The following KLF12 variants were observed in gnomAD, a reference collection of about 807,000 sequenced individuals.
The protein encoded by KLF12 is KLF transcription factor 12, also known as Krueppel-like factor 12.
KLF12 carries 9 observed loss-of-function variants against 37.8 expected under a neutral mutation model. The ratio of observed to expected loss-of-function variants is 0.24; its 90% confidence interval spans 0.14 to 0.42. The LOEUF is 0.42. Ranked by LOEUF, KLF12 falls within the 10% of genes least tolerant of loss-of-function variation. KLF12 has a pLI of 1.00. For missense variants in KLF12, 411 were observed against 516.0 expected (o/e 0.80, Z 1.97); for synonymous variants, 208 against 202.1 (o/e 1.03, Z -0.25).
chr13:74,090,303 A>G (rs1386977714), intron 1 of KLF12, among the ~76,000 whole-genome samples: 2 of 152,160 alleles, frequency 1.3e-5, no homozygotes, highest in Non-Finnish European at 2.9e-5. Context: ...GAATGAAAGA[A>G]AAAACATCCT....
chr13:74,276,763 C>A, the KLF12 span, among the ~76,000 whole-genome samples: 2 of 152,194 alleles, frequency 1.3e-5, no homozygotes, highest in African/African-American at 2.4e-5. Flanking sequence ...CAGGCTACCC[C>A]GTTTTCACTA....
chr13:74,014,233 T>C (rs1465902698), intron 1 of KLF12, among the ~76,000 whole-genome samples: 1 of 152,222 alleles, frequency 6.6e-6, no homozygotes, highest in Non-Finnish European at 1.5e-5. Context: ...ATTTCAGCAG[T>C]TGAGGCACAC....
At chr13:73,976,778 A>C (rs921764543) in intron 2 of KLF12, among the ~76,000 whole-genome samples, 2 of 152,304 alleles carry the variant, frequency 1.3e-5, no homozygotes, top group Non-Finnish European at 2.9e-5. Context: ...ATCACTAAGC[A>C]ATGAGACAGA....
chr13:74,129,245 G>T (rs1161916435), intron 1 of KLF12, among the ~76,000 whole-genome samples: 1 of 152,076 alleles, frequency 6.6e-6, no homozygotes. Flanking sequence ...ATAAAGTTAT[G>T]ATTTTATTTG....
At chr13:74,071,148 T>C (rs1281414498) in intron 1 of KLF12, among the ~76,000 whole-genome samples, 1 of 152,144 alleles carries the variant, frequency 6.6e-6, no homozygotes, top group Non-Finnish European at 1.5e-5. Flanking sequence ...GAGTACTATA[T>C]AAAAATAATA....
At chr13:74,292,786 C>T in the KLF12 span, among the ~76,000 whole-genome samples, 1 of 152,148 alleles carries the variant, frequency 6.6e-6, no homozygotes, top group Admixed American at 6.6e-5. Flanking sequence ...TCCCATAACA[C>T]CATGTTATGC....
intron 5 of KLF12, among the ~76,000 whole-genome samples, chr13:73,803,873 C>T (rs898022655): frequency 6.6e-6 from 1 of 151,944 alleles, no homozygotes; most frequent in African/African-American, 2.4e-5. Context: ...CTAAGTAACA[C>T]TAGTCATATC....
At chr13:73,754,311 T>C (rs773202923) in intron 6 of KLF12, among the ~76,000 whole-genome samples, 7 of 152,190 alleles carry the variant, frequency 4.6e-5, no homozygotes, top group Non-Finnish European at 7.3e-5. Context: ...ACAGGCTCAA[T>C]TGCATATTGT....
intron 6 of KLF12, among the ~76,000 whole-genome samples, chr13:73,728,582 C>G (rs1202920751): frequency 6.6e-6 from 1 of 152,170 alleles, no homozygotes; most frequent in African/African-American, 2.4e-5. Context: ...TGCATTTTAT[C>G]TGAGGATACT....
the KLF12 span, among the ~76,000 whole-genome samples, chr13:74,175,473 T>C: frequency 6.6e-6 from 1 of 152,220 alleles, no homozygotes; most frequent in Non-Finnish European, 1.5e-5. Context: ...TGGGTCAGAC[T>C]CAACAATAAG....
the KLF12 span, among the ~76,000 whole-genome samples, chr13:74,291,435 T>C: frequency 2.0e-5 from 3 of 152,346 alleles, no homozygotes; most frequent in South Asian, 6.2e-4. Context: ...TCATCATCTG[T>C]GGTGGCAAGT....
chr13:74,279,158 A>C, the KLF12 span, among the ~76,000 whole-genome samples: 1 of 152,022 alleles, frequency 6.6e-6, no homozygotes, highest in Non-Finnish European at 1.5e-5. Context: ...CTGTGCTTAA[A>C]ATCCCCTGGG....
intron 1 of KLF12, among the ~76,000 whole-genome samples, chr13:74,088,692 G>A (rs1875467533): frequency 6.6e-6 from 1 of 152,190 alleles, no homozygotes; most frequent in African/African-American, 2.4e-5. Flanking sequence ...TCTGCCCTCT[G>A]CCATTATACA....
chr13:73,748,352 C>T (rs1214940423), intron 6 of KLF12, among the ~76,000 whole-genome samples: 2 of 152,150 alleles, frequency 1.3e-5, no homozygotes, highest in East Asian at 1.9e-4. Flanking sequence ...GACTGAATGT[C>T]TGTGTCCCCC....
intron 3 of KLF12, among the ~76,000 whole-genome samples, chr13:73,847,435 C>G (rs1885091073): frequency 6.6e-6 from 1 of 152,076 alleles, no homozygotes; most frequent in Non-Finnish European, 1.5e-5. Context: ...TTTTGGTGTG[C>G]TATTCCCCCT....
At chr13:74,021,118 G>C (rs1032660526) in intron 1 of KLF12, among the ~76,000 whole-genome samples, 4 of 152,066 alleles carry the variant, frequency 2.6e-5, no homozygotes, top group Non-Finnish European at 5.9e-5. Flanking sequence ...ACCATGCCAA[G>C]AAAAAGGAGA....
At chr13:73,849,371 T>A (rs1210084158) in intron 3 of KLF12, among the ~76,000 whole-genome samples, 1 of 61,454 alleles carries the variant, frequency 1.6e-5, no homozygotes, top group African/African-American at 7.1e-5. Context: ...AGAGGGAGAC[T>A]CCATAAAAAA....
At chr13:73,918,545 A>T (rs138377800) in intron 3 of KLF12, among the ~76,000 whole-genome samples, 35 of 152,326 alleles carry the variant, frequency 2.3e-4, no homozygotes, top group African/African-American at 7.9e-4. Flanking sequence ...TATACTTGAT[A>T]AAAAATAAAC....
the KLF12 span, among the ~76,000 whole-genome samples, chr13:74,225,394 G>C: frequency 6.6e-6 from 1 of 152,288 alleles, no homozygotes; most frequent in South Asian, 2.1e-4. Flanking sequence ...AATGAGGACA[G>C]TTATGTTTTC....
Sources: gnomAD v4.1 joint callset for allele counts (sites outside exome capture counted in the v4.1 genomes callset) on GRCh38, gnomAD v4.1.1 for gene constraint, MANE v1.5 for transcripts, NCBI Gene and HGNC (gene_info 2026-07-23, HGNC 2026-07-21) for gene names.